MYO1D: variants seen among roughly 807,000 people sequenced by gnomAD.
The protein encoded by MYO1D is unconventional myosin-Id.
Under a neutral mutation model 122.0 loss-of-function variants are expected in MYO1D, and 83 were observed. The ratio of observed to expected loss-of-function variants is 0.68; its 90% CI spans 0.57 to 0.82. The LOEUF is 0.82. Ranked by LOEUF, MYO1D falls within the 40% of genes least tolerant of loss-of-function variation. The probability of loss-of-function intolerance (pLI) is 0.00; values close to 1 mark genes in which losing one functional copy is unlikely to be tolerated. For synonymous variants in MYO1D, 464 were observed against 446.9 expected (o/e 1.04, Z -0.48); for missense variants, 1,157 against 1,269.5 (o/e 0.91, Z 1.35).
At chr17:32,827,933 G>A (rs992467588) in intron 1 of MYO1D, among the ~76,000 whole-genome samples, 4 of 152,048 alleles carry the variant, frequency 2.6e-5, no homozygotes, top group African/African-American at 9.7e-5. Context: ...AAAGAAATAG[G>A]GATAACATTA....
chr17:32,681,740 G>A (rs1344794235), intron 16 of MYO1D, among the ~76,000 whole-genome samples: 3 of 145,092 alleles, frequency 2.1e-5, no homozygotes, highest in Non-Finnish European at 4.5e-5. Flanking sequence ...GATTTGGGTT[G>A]GAGAGTTCTG....
Position 32,521,910 on chromosome 17 carries a change from T to C in MYO1D, c.2865-26995A>G, listed in dbSNP as rs575333044. On this transcript the variant is annotated intron_variant, in intron 21 of 21. Coordinates refer to ENST00000318217, the MANE Select transcript of MYO1D (RefSeq NM_015194.3). ...CAGCCTGGCCAAGATGGTGAAACCC[T>C]GTCTCTACCAAAAATACAAAAATTA... is the stretch of plus-strand genomic sequence containing the variant. Among the ~76,000 whole-genome samples the C allele has an allele frequency of 4.6e-5, 7 of 152,052 alleles. No homozygotes were observed. In the South Asian group the frequency reaches 1.2e-3, roughly 27 times the overall value.
At chr17:32,620,829 C>T (rs1374896282) in intron 20 of MYO1D, among the ~76,000 whole-genome samples, 5 of 152,184 alleles carry the variant, frequency 3.3e-5, no homozygotes, top group Non-Finnish European at 7.3e-5. Flanking sequence ...ACATCACAGG[C>T]TGGAGCACAC....
At chr17:32,842,671 T>C (rs1190721845) in intron 1 of MYO1D, among the ~76,000 whole-genome samples, 1 of 152,078 alleles carries the variant, frequency 6.6e-6, no homozygotes, top group Non-Finnish European at 1.5e-5. Flanking sequence ...CAAGGTGTCT[T>C]ACATACCTTC....
Position 32,847,215 on chromosome 17 carries a change from G to A in MYO1D, c.95+29563C>T, listed in dbSNP as rs144012230. Among the ~76,000 whole-genome samples, 436 of 152,260 alleles carry A rather than the reference G, an allele frequency of 2.9e-3. 3 individuals carry two copies. The highest frequency in any genetic ancestry group is 0.01 in the African/African-American group (427 of 41,544). On this transcript the variant is annotated intron_variant, in intron 1 of 21. Transcript: ENST00000318217. ...AATGAGTTAGATACAGAATGTCAAC[G>A]ATGCCAAACTTTTATAGAATGGAAC...
At chr17:32,861,846 C>T (rs907499564) in intron 1 of MYO1D, among the ~76,000 whole-genome samples, 2 of 151,980 alleles carry the variant, frequency 1.3e-5, no homozygotes, top group African/African-American at 2.4e-5. Flanking sequence ...GGCAAAACCC[C>T]GTCTCTACAA....
In MYO1D at chr17:32,764,750, A is replaced by G. The variant is rs550164951; in HGVS notation, c.1035+128T>C. ...GTTTTACCGAGGCTTGTATGGCCAG[A>G]AAGTATCATTATGGTTTCTAAAAGC... On this transcript the variant is annotated intron_variant, in intron 8 of 21. Transcript: ENST00000318217. 4.2e-5 allele frequency: 42 copies of G among 992,294 alleles called. No homozygotes were observed. The African/African-American group carries it at 5.8e-4, about 14-fold the overall frequency. 61.5% of individuals were successfully genotyped at this position (992,294 alleles called of 1,614,324 possible).
intron 1 of MYO1D, among the ~76,000 whole-genome samples, chr17:32,837,945 A>G (rs1214338663): frequency 2.0e-5 from 3 of 148,284 alleles, no homozygotes; most frequent in Admixed American, 6.8e-5. Flanking sequence ...CTCATTCACT[A>G]AGGTATTGTG....
At chr17:32,750,348 T>A (rs989189114) in intron 11 of MYO1D, among the ~76,000 whole-genome samples, 1 of 152,024 alleles carries the variant, frequency 6.6e-6, no homozygotes, top group Non-Finnish European at 1.5e-5. Flanking sequence ...GCGTGGTGGC[T>A]CACGTCTGTA....
chr17:32,854,266 A>G (rs2091011096), intron 1 of MYO1D, among the ~76,000 whole-genome samples: 1 of 152,218 alleles, frequency 6.6e-6, no homozygotes, highest in South Asian at 2.1e-4. Context: ...CTAACTCATA[A>G]GAGCTTACAT....
At chr17:32,660,728 T>C (rs996895923) in intron 16 of MYO1D, among the ~76,000 whole-genome samples, 1 of 152,214 alleles carries the variant, frequency 6.6e-6, no homozygotes, top group African/African-American at 2.4e-5. Flanking sequence ...TAACTCGTCA[T>C]CTCATGTGGC....
chr17:32,876,257 T>C (rs1011353597), intron 1 of MYO1D, among the ~76,000 whole-genome samples: 1 of 151,366 alleles, frequency 6.6e-6, no homozygotes, highest in Non-Finnish European at 1.5e-5. Flanking sequence ...AATGACAGGA[T>C]GGAACTACGC....
rs548856764 is a variant in MYO1D, at chr17:32,681,919, A to G, written c.2122-22581T>C. Among the ~76,000 whole-genome samples, 4 of 138,902 alleles carry G rather than the reference A, an allele frequency of 2.9e-5. No individual in the cohort carries two copies. In the East Asian group the frequency reaches 8.2e-4, roughly 29 times the overall value. The allele number at this position is 138,902 out of a possible 152,430, so 91.1% of individuals were successfully genotyped here. A position where few individuals can be genotyped will look rare whatever the true frequency, so the allele number is the denominator to read the frequency against. ...TTGTAGGTCACTCAGGACTTGCTTT[A>G]TGAATCTGGGTGCTCCTGTATTGGG... On this transcript the variant is annotated intron_variant, in intron 16 of 21. Coordinates refer to ENST00000318217, the MANE Select transcript of MYO1D (RefSeq NM_015194.3).
intron 16 of MYO1D, among the ~76,000 whole-genome samples, chr17:32,710,928 G>A (rs946248245): frequency 6.6e-6 from 1 of 152,154 alleles, no homozygotes; most frequent in Non-Finnish European, 1.5e-5. Context: ...TACTGGTAGG[G>A]ATATGGCACA....
chr17:32,788,433 T>C (rs902165752), intron 1 of MYO1D, among the ~76,000 whole-genome samples: 105 of 152,314 alleles, frequency 6.9e-4, no homozygotes, highest in African/African-American at 2.5e-3. Flanking sequence ...TAGATTTAAG[T>C]CTTTGATCCA....
At chr17:32,777,010 T>A (rs1336610467) in intron 3 of MYO1D, among the ~76,000 whole-genome samples, 1 of 152,194 alleles carries the variant, frequency 6.6e-6, no homozygotes, top group Admixed American at 6.5e-5. Flanking sequence ...AAGCATATTT[T>A]AAAAATATGT....
intron 3 of MYO1D, 80 bp from the exon 4 acceptor site, chr17:32,776,109 C>T (rs1032891163): frequency 3.5e-5 from 44 of 1,250,962 alleles, no homozygotes; most frequent in Middle Eastern, 2.4e-4. Flanking sequence ...TGCTAAACCA[C>T]ATACAAATAT....
At chr17:32,778,296 TG>T (rs2090198995) in intron 3 of MYO1D, among the ~76,000 whole-genome samples, 183 bp downstream of exon 3, 1 of 152,140 alleles carries the variant, frequency 6.6e-6, no homozygotes, top group African/African-American at 2.4e-5. Context: ...ATGGATACAG[TG>T]AAATAAATAA....
chr17:32,592,024 T>C (rs144787269), intron 21 of MYO1D, among the ~76,000 whole-genome samples: 1 of 152,232 alleles, frequency 6.6e-6, no homozygotes, highest in African/African-American at 2.4e-5. Flanking sequence ...CATGTTTGTT[T>C]TGATGAACTT....
Sources: gnomAD v4.1 joint callset for allele counts (sites outside exome capture counted in the v4.1 genomes callset) on GRCh38, gnomAD v4.1.1 for gene constraint, MANE v1.5 for transcripts, NCBI Gene and HGNC (gene_info 2026-07-23, HGNC 2026-07-21) for gene names.